The following ESRRB variants were observed in gnomAD, a reference collection of about 807,000 sequenced individuals.
ESRRB encodes the protein estrogen related receptor beta.
A neutral mutation model predicts 46.0 loss-of-function variants in ESRRB; 16 were observed. The observed-to-expected ratio is 0.35, with a 90% CI of 0.24 to 0.53. The LOEUF is 0.53. ESRRB is among the 20% of genes least tolerant of loss of function. ESRRB has a pLI of 0.93. For missense variants in ESRRB, 488 were observed against 607.4 expected, an observed-to-expected ratio of 0.80 and a Z score of 2.07; for synonymous variants, 246 against 259.6, an observed-to-expected ratio of 0.95 and a Z score of 0.50.
upstream of ESRRB, among the ~76,000 whole-genome samples, chr14:76,370,416 G>A (rs1015655052): frequency 6.6e-6 from 1 of 151,814 alleles, no homozygotes; most frequent in Non-Finnish European, 1.5e-5. Flanking sequence ...AAAAATTGTC[G>A]CCAAAGTCAC....
At chr14:76,379,131 A>T (rs1884901888) in intron 1 of ESRRB, among the ~76,000 whole-genome samples, 1 of 152,158 alleles carries the variant, frequency 6.6e-6, no homozygotes, top group Non-Finnish European at 1.5e-5. Context: ...ACAGAGAGAA[A>T]CATACGTACC....
Position 76,376,444 on chromosome 14 carries a change from C to A in ESRRB, c.43C>A (p.His15Asn). The change falls in exon 1 of 7, where the codon CAC (histidine) becomes AAC (asparagine). Residue 15 changes from histidine (H) to asparagine (N), a missense_variant. Transcript: ENST00000644823. This position sits in a 1 kb window ranked among gnomAD's most constrained non-coding sequence, Gnocchi z 4.1. ...CTGCATCCCGGACCCCCTCGGCTAC[C>A]ACAACCAGTAGGTGCCCTGCTTCTC... is the stretch of plus-strand genomic sequence containing the variant. ...ELCIPDPLGY[H>N]NQLLNRMSSD... is the part of the protein sequence containing the mutation. 12 of 1,231,720 alleles carry A rather than the reference C, an allele frequency of 9.7e-6. No homozygotes were observed. Among genetic ancestry groups the A allele is most frequent in the Non-Finnish European group, 1.2e-5 (12 of 987,968 alleles). 76.3% of individuals were successfully genotyped at this position (1,231,720 alleles called of 1,614,324 possible).
chr14:76,499,085 C>T lies in ESRRB; in HGVS notation c.*627C>T, dbSNP rs567230960. ...AGTGCTTCCTGGGCACCCCACCCCT[C>T]GGGGCCTACCCCCCTGCCTGTCACC... On this transcript the variant is annotated 3_prime_UTR_variant, in exon 7 of 7. Coordinates refer to ENST00000644823, the MANE Select transcript of ESRRB (RefSeq NM_001379180.1). 1.8e-4 allele frequency: 60 copies of T among 333,154 alleles called. No individual in the cohort carries two copies. The highest frequency in any genetic ancestry group is 1.1e-3 in the African/African-American group (49 of 46,130). 20.6% of individuals were successfully genotyped at this position (333,154 alleles called of 1,614,324 possible). A position where few individuals can be genotyped will look rare whatever the true frequency, so the allele number is the denominator to read the frequency against.
chr14:76,448,531 T>G (rs1408061656), intron 2 of ESRRB, among the ~76,000 whole-genome samples: 1 of 151,806 alleles, frequency 6.6e-6, no homozygotes, highest in Non-Finnish European at 1.5e-5. Context: ...AGACGGGGTT[T>G]CACCATGTTG....
At chr14:76,371,140 C>T (rs140339964), upstream of ESRRB, among the ~76,000 whole-genome samples, 11 of 152,296 alleles carry the variant, frequency 7.2e-5, no homozygotes, top group East Asian at 1.4e-3. Context: ...TGGCCCATTA[C>T]GGCTTCAGGA....
chr14:76,334,512 C>G (rs72729702), intron 1 of ESRRB, among the ~76,000 whole-genome samples: 3,756 of 152,290 alleles, frequency 0.025, 92 homozygotes, highest in East Asian at 0.12. Context: ...ATTAATGATT[C>G]AATTTTCAAC....
At chr14:76,479,166 G>A (rs1435982351) in intron 3 of ESRRB, among the ~76,000 whole-genome samples, 12 of 152,186 alleles carry the variant, frequency 7.9e-5, no homozygotes, top group Non-Finnish European at 1.3e-4. Context: ...CACACTTGAG[G>A]AGGAAGACAG....
At chr14:76,394,090 C>A (rs987557292) in intron 1 of ESRRB, among the ~76,000 whole-genome samples, 2 of 151,696 alleles carry the variant, frequency 1.3e-5, no homozygotes, top group Admixed American at 1.3e-4. Flanking sequence ...CGTGAGCCAC[C>A]GTGCCCAGCC....
At chr14:76,438,663 CAA>C (rs879790232) in intron 1 of ESRRB, among the ~76,000 whole-genome samples, 4 of 115,646 alleles carry the variant, frequency 3.5e-5, no homozygotes, top group African/African-American at 3.3e-5. Context: ...GACTCCATCT[CAA>C]AAAAAAAAAA....
chr14:76,474,565 G>T (rs968156404), intron 3 of ESRRB, among the ~76,000 whole-genome samples: 2 of 152,230 alleles, frequency 1.3e-5, no homozygotes, highest in African/African-American at 4.8e-5. Context: ...CACCGGCCAT[G>T]TACTGTGGCT....
chr14:76,442,816 C>CTTTTTTTTTTTT (rs1245748328), intron 2 of ESRRB, among the ~76,000 whole-genome samples: 3 of 131,084 alleles, frequency 2.3e-5, no homozygotes, highest in Non-Finnish European at 3.3e-5. Context: ...TCTTTTTTTT[C>CTTTTTTTTTTTT]TTTTTTTTTT....
At chr14:76,354,442 A>T (rs1884354398) in intron 1 of ESRRB, among the ~76,000 whole-genome samples, 1 of 152,018 alleles carries the variant, frequency 6.6e-6, no homozygotes, top group South Asian at 2.1e-4. Flanking sequence ...CCAGGGACCT[A>T]TCTCACCATT....
chr14:76,499,975 C>T lies in ESRRB; in HGVS notation c.*1517C>T, dbSNP rs201726554. Reference sequence around the variant, plus strand: ...ACAAGCAGGGATCAGAGCAACTCCCCGGGGATCCCCAATCCACGCCCTTCT... The same window carrying T: ...ACAAGCAGGGATCAGAGCAACTCCCTGGGGATCCCCAATCCACGCCCTTCT... On this transcript the variant is annotated 3_prime_UTR_variant, in exon 7 of 7. Transcript: ENST00000644823. The T allele has an allele frequency of 9.4e-4, 1,509 of 1,600,692 alleles. 7 individuals carry two copies. Among genetic ancestry groups the T allele is most frequent in the South Asian group, 4.6e-3 (403 of 88,564 alleles).
upstream of ESRRB, among the ~76,000 whole-genome samples, chr14:76,367,270 G>A (rs1209817921): frequency 6.6e-6 from 1 of 152,064 alleles, no homozygotes; most frequent in Non-Finnish European, 1.5e-5. Flanking sequence ...AAAAAAAATT[G>A]ACTGGGCACA....
intron 1 of ESRRB, among the ~76,000 whole-genome samples, chr14:76,387,505 C>A (rs1444897451): frequency 2.0e-5 from 3 of 152,194 alleles, no homozygotes; most frequent in Non-Finnish European, 4.4e-5. Flanking sequence ...TGGTTTTCAC[C>A]TTTCCGAGCC....
chr14:76,416,531 G>A (rs1006989177), intron 1 of ESRRB, among the ~76,000 whole-genome samples: 6 of 152,048 alleles, frequency 3.9e-5, no homozygotes, highest in South Asian at 2.1e-4. Flanking sequence ...GTGCAATGGC[G>A]TGATCGTGGT....
At chr14:76,477,168 C>G (rs1323334669) in intron 3 of ESRRB, among the ~76,000 whole-genome samples, 1 of 152,238 alleles carries the variant, frequency 6.6e-6, no homozygotes, top group Non-Finnish European at 1.5e-5. Flanking sequence ...TAGGGGTGCA[C>G]AGGTCTGTGT....
chr14:76,418,312 T>A (rs1886797697), intron 1 of ESRRB, among the ~76,000 whole-genome samples: 1 of 152,122 alleles, frequency 6.6e-6, no homozygotes, highest in African/African-American at 2.4e-5. Context: ...TACAGAAAAA[T>A]TGCCAAGATA....
At chr14:76,319,532 T>C (rs528718250) in intron 1 of ESRRB, among the ~76,000 whole-genome samples, 2 of 152,302 alleles carry the variant, frequency 1.3e-5, no homozygotes, top group Admixed American at 1.3e-4. Context: ...TGAAGGAACA[T>C]GTAATTACTA....
Sources: allele counts gnomAD v4.1 joint callset (sites outside exome capture counted in the v4.1 genomes callset), GRCh38; gene constraint gnomAD v4.1.1; non-coding constraint Gnocchi (gnomAD v3.1); transcripts MANE v1.5; gene names NCBI Gene and HGNC (gene_info 2026-07-23, HGNC 2026-07-21).